CD27: variants seen among roughly 807,000 people sequenced by gnomAD.
CD27 encodes the protein CD27 antigen.
CD27 carries 16 observed loss-of-function variants against 25.9 expected under a neutral mutation model. The ratio of observed to expected loss-of-function variants is 0.62; its 90% CI spans 0.42 to 0.94. The LOEUF is 0.94. CD27 is among the 40% of genes least tolerant of loss of function. CD27 has a pLI of 0.00. For synonymous variants in CD27, 142 were observed against 124.3 expected (o/e 1.14, Z -0.95); for missense variants, 300 against 333.2 (o/e 0.90, Z 0.78).
Position 6,450,016 on chromosome 12 carries a change from C to T in CD27, c.269-157C>T, listed in dbSNP as rs770774855. 5.3e-5 allele frequency among the ~76,000 whole-genome samples: 8 copies of T among 152,060 alleles called. 1 individual carries two copies. Among genetic ancestry groups the T allele is most frequent in the East Asian group, 3.9e-4 (2 of 5,172 alleles). ...AATAATGGCAAAGGCATTGGGGGAC[C>T]GTGAGCAAAGGGCAGGCCTTTGCAG... On this transcript the variant is annotated intron_variant, in intron 2 of 5. Transcript: ENST00000266557. This position sits in a 1 kb window ranked among gnomAD's most constrained non-coding sequence, Gnocchi z 4.1.
chr12:6,451,438 A>G lies in CD27; in HGVS notation c.*46A>G. On this transcript the variant is annotated 3_prime_UTR_variant, in exon 6 of 6. Coordinates refer to ENST00000266557, the MANE Select transcript of CD27 (RefSeq NM_001242.5). Reference sequence around the variant, plus strand: ...CACTACAGCCCTGGCCTCCACCCCCACCCCGCCGACCATCCAAGGGAGAGT... The same window carrying G: ...CACTACAGCCCTGGCCTCCACCCCCGCCCCGCCGACCATCCAAGGGAGAGT... The G allele has an allele frequency of 6.7e-7, 1 of 1,484,064 alleles. No individual in the cohort carries two copies. 91.9% of individuals were successfully genotyped at this position (1,484,064 alleles called of 1,614,324 possible). A position where few individuals can be genotyped will look rare whatever the true frequency, so the allele number is the denominator to read the frequency against.
In CD27 at chr12:6,451,540, T is replaced by C. The variant is rs1949548483; in HGVS notation, c.*148T>C. ...TGTGTACACGTGACAGAGTGCCTTT[T>C]CGAGACTGGCAGGGACGAGGACAAA... On this transcript the variant is annotated 3_prime_UTR_variant, in exon 6 of 6. Transcript: ENST00000266557. 1 of 813,090 alleles carries C rather than the reference T, an allele frequency of 1.2e-6. No individual in the cohort carries two copies. Among genetic ancestry groups the C allele is most frequent in the Admixed American group, 3.0e-5 (1 of 33,836 alleles). 50.4% of individuals were successfully genotyped at this position (813,090 alleles called of 1,614,324 possible). A position where few individuals can be genotyped will look rare whatever the true frequency, so the allele number is the denominator to read the frequency against.
chr12:6,449,673 A>G (rs2136966931), intron 2 of CD27, among the ~76,000 whole-genome samples: 1 of 151,744 alleles, frequency 6.6e-6, no homozygotes, highest in East Asian at 1.9e-4. Context: ...ATACAGTAAA[A>G]CCCCGTCTCT....
intron 2 of CD27, among the ~76,000 whole-genome samples, chr12:6,449,073 G>A (rs1949469778): frequency 6.6e-6 from 1 of 151,936 alleles, no homozygotes; most frequent in South Asian, 2.1e-4. Context: ...TCAGCTCACT[G>A]TAACCTCCAC....
Position 6,445,445 on chromosome 12 carries a change from G to A in CD27, c.158G>A (p.Cys53Tyr), listed in dbSNP as rs397514667. Residue 53 changes from cysteine (C) to tyrosine (Y), a missense_variant, in exon 2 of 6, where the codon TGT becomes TAT. Transcript: ENST00000266557. The surrounding 1 kb of genome is among the most constrained non-coding windows in gnomAD (Gnocchi z 4.5). ...CCAGGAACATTCCTCGTGAAGGACT[G>A]TGACCAGCATAGAAAGGCTGCTCAG... ...CEPGTFLVKD[C>Y]DQHRKAAQCD... 1.9e-6 allele frequency: 3 copies of A among 1,614,196 alleles called. No homozygotes were observed. The highest frequency in any genetic ancestry group is 1.7e-6 in the Non-Finnish European group (2 of 1,180,030).
At position 6,451,542 on chromosome 12, in the gene CD27, G is replaced by C. The variant is rs910297372; in HGVS notation, c.*150G>C. On this transcript the variant is annotated 3_prime_UTR_variant, in exon 6 of 6. Coordinates refer to ENST00000266557, the MANE Select transcript of CD27 (RefSeq NM_001242.5). The stretch of plus-strand genomic sequence containing the variant: ...TGTACACGTGACAGAGTGCCTTTTC[G>C]AGACTGGCAGGGACGAGGACAAATA... The C allele has an allele frequency of 7.5e-6, 6 of 795,094 alleles. No individual in the cohort carries two copies. The African/African-American group carries it at 1.0e-4, about 14-fold the overall frequency. 49.3% of individuals were successfully genotyped at this position (795,094 alleles called of 1,614,324 possible). A position where few individuals can be genotyped will look rare whatever the true frequency, so the allele number is the denominator to read the frequency against.
intron 2 of CD27, chr12:6,448,258 C>T (rs1179155435): frequency 1.3e-5 from 2 of 152,360 alleles, no homozygotes; most frequent in Non-Finnish European, 2.9e-5. Context: ...TGTCAGGGCA[C>T]CTAGGGCTCC....
At chr12:6,449,512 T>C (rs892677174) in intron 2 of CD27, among the ~76,000 whole-genome samples, 2 of 152,100 alleles carry the variant, frequency 1.3e-5, no homozygotes, top group African/African-American at 4.8e-5. Context: ...TTTACAATCA[T>C]GCGTGCCTCT....
In CD27 at chr12:6,445,144, G is replaced by A; in HGVS notation, c.49G>A (p.Gly17Arg). ...WWLCVLGTLV[G>R]LSATPAPKSC... ...GCTGTGCGTTCTGGGGACCCTGGTGGGGCTCTCAGCTACTCCAGCCCCCAA... is the reference window on the plus strand; with the variant it reads ...GCTGTGCGTTCTGGGGACCCTGGTGAGGCTCTCAGCTACTCCAGCCCCCAA... Residue 17 changes from glycine to arginine, a missense_variant, in exon 1 of 6, where the codon GGG becomes AGG. Coordinates refer to ENST00000266557, the MANE Select transcript of CD27 (RefSeq NM_001242.5). This position sits in a 1 kb window ranked among gnomAD's most constrained non-coding sequence, Gnocchi z 4.5. 1 of 1,608,766 alleles carries A rather than the reference G, an allele frequency of 6.2e-7. No homozygotes were observed. Among genetic ancestry groups the A allele is most frequent in the Non-Finnish European group, 8.5e-7 (1 of 1,178,024 alleles).
In CD27 at chr12:6,450,643, C is replaced by G. The variant is rs1443264332; in HGVS notation, c.538+13C>G. The G allele has an allele frequency of 6.2e-6, 10 of 1,608,194 alleles. No individual in the cohort carries two copies. The highest frequency in any genetic ancestry group is 1.3e-5 in the African/African-American group (1 of 74,882). On this transcript the variant is annotated intron_variant, in intron 4 of 5. Transcript: ENST00000266557. The surrounding 1 kb of genome is among the most constrained non-coding windows in gnomAD (Gnocchi z 4.1). ...ACCCACTGGCCACGTGAGTTTTCTC[C>G]TTAATCCCCACCGCTAGAGAGAATG...
chr12:6,449,316 T>TTTC (rs1294725960), intron 2 of CD27, among the ~76,000 whole-genome samples: 2 of 16,402 alleles, frequency 1.2e-4, no homozygotes, highest in African/African-American at 2.7e-3. Context: ...CTTTCTTTTC[T>TTTC]TTTTTTTTTT....
In CD27 at chr12:6,451,263, T is replaced by G; in HGVS notation, c.659-5T>G. 2 of 1,613,816 alleles carry G rather than the reference T, an allele frequency of 1.2e-6. No individual in the cohort carries two copies. The highest frequency in any genetic ancestry group is 1.7e-6 in the Non-Finnish European group (2 of 1,179,846). On this transcript the variant is annotated splice_polypyrimidine_tract_variant and splice_region_variant and intron_variant, in intron 5 of 5. Transcript: ENST00000266557. ...GGCCAAGACTCATCGGATCTCCTTC[T>G]GCAGACAAAGGAGAAAGTCCTGTGG...
chr12:6,448,286 T>A (rs1949451397), intron 2 of CD27: 1 of 152,260 alleles, frequency 6.6e-6, no homozygotes, highest in South Asian at 2.1e-4. Context: ...CCCACAAGTG[T>A]CTGCCCTAAG....
chr12:6,445,612 G>A lies in CD27; in HGVS notation c.268+57G>A. ...GATGGACAAGCATCTGGGGGAGCAAGGCTGGTGACGGGTTTGGGGGTGCAA... is the reference window on the plus strand; with the variant it reads ...GATGGACAAGCATCTGGGGGAGCAAAGCTGGTGACGGGTTTGGGGGTGCAA... On this transcript the variant is annotated intron_variant, in intron 2 of 5. Coordinates refer to ENST00000266557, the MANE Select transcript of CD27 (RefSeq NM_001242.5). The surrounding 1 kb of genome is among the most constrained non-coding windows in gnomAD (Gnocchi z 4.5). 2 of 1,586,500 alleles carry A rather than the reference G, an allele frequency of 1.3e-6. No homozygotes were observed. Among genetic ancestry groups the A allele is most frequent in the South Asian group, 2.3e-5 (2 of 88,662 alleles).
At chr12:6,446,746 C>A (rs1228772900) in intron 2 of CD27, among the ~76,000 whole-genome samples, 1 of 151,116 alleles carries the variant, frequency 6.6e-6, no homozygotes, top group African/African-American at 2.4e-5. Flanking sequence ...TCACTGCACT[C>A]CAGCCTGGGT....
At chr12:6,444,670 G>GGC (rs1949386423), upstream of CD27, among the ~76,000 whole-genome samples, 1 of 139,602 alleles carries the variant, frequency 7.2e-6, no homozygotes, top group Admixed American at 7.2e-5. Flanking sequence ...TGGGTGGGGG[G>GGC]GGGTAACGTG....
rs1949513475 is a variant in CD27 at position 6,450,525 on chromosome 12, GTC to G, written c.449-12_449-11del. The G allele has an allele frequency of 6.8e-6, 11 of 1,611,414 alleles. No individual in the cohort carries two copies. In the East Asian group the frequency reaches 1.1e-4, roughly 16 times the overall value. On this transcript the variant is annotated splice_polypyrimidine_tract_variant and intron_variant, in intron 3 of 5. Transcript: ENST00000266557. This position sits in a 1 kb window ranked among gnomAD's most constrained non-coding sequence, Gnocchi z 4.1. ...GGGGTCCCCTGCTGCTACTCATTCTGTCTCTGTTTTTCCAGAGATGCTGGAGG... is the reference window on the plus strand; with the variant it reads ...GGGGTCCCCTGCTGCTACTCATTCTGTCTGTTTTTCCAGAGATGCTGGAGG...
intron 2 of CD27, chr12:6,447,687 G>C (rs1402942920): frequency 6.6e-6 from 1 of 152,066 alleles, no homozygotes; most frequent in Non-Finnish European, 1.5e-5. Context: ...ACAATGTGCA[G>C]GTTTGTTACA....
At chr12:6,444,179 G>T (rs931838607), upstream of CD27, among the ~76,000 whole-genome samples, 3 of 152,178 alleles carry the variant, frequency 2.0e-5, no homozygotes, top group African/African-American at 7.2e-5. Flanking sequence ...GTCTGAGAGG[G>T]AAGGCCATGT....
Sources: allele counts gnomAD v4.1 joint callset (sites outside exome capture counted in the v4.1 genomes callset), GRCh38; gene constraint gnomAD v4.1.1; non-coding constraint Gnocchi (gnomAD v3.1); transcripts MANE v1.5; gene names NCBI Gene and HGNC (gene_info 2026-07-23, HGNC 2026-07-21).